EPHA5: variants seen among roughly 807,000 people sequenced by gnomAD.
EPHA5 encodes EPH receptor A5.
In EPHA5, 60 loss-of-function variants were observed where a neutral mutation model predicts 105.0. That is an observed-to-expected ratio of 0.57 (90% CI 0.46 to 0.71). The LOEUF (loss-of-function observed/expected upper bound fraction) is 0.71, where lower values mean the gene tolerates loss of function less well. Among genes scored for constraint, EPHA5 ranks in the 30% least tolerant of loss-of-function variants. The probability of loss-of-function intolerance (pLI) is 0.00; values close to 1 mark genes in which losing one functional copy is unlikely to be tolerated. For synonymous variants in EPHA5, 513 were observed against 449.1 expected (o/e 1.14, Z -1.80); for missense variants, 1,218 against 1,274.7 (o/e 0.96, Z 0.68).
At chr4:65,370,875 C>A (rs1718395849) in intron 8 of EPHA5, among the ~76,000 whole-genome samples, 1 of 152,014 alleles carries the variant, frequency 6.6e-6, no homozygotes. Flanking sequence ...TTAAAACAAG[C>A]CTCAACAAGA....
chr4:65,351,362 T>G, intron 13 of EPHA5, 27 bp downstream of exon 13: 1 of 1,604,220 alleles, frequency 6.2e-7, no homozygotes, highest in Non-Finnish European at 8.5e-7. Flanking sequence ...GGTCTAGTGT[T>G]TAGAAATGCA....
chr4:65,546,315 G>A (rs1737366708), intron 3 of EPHA5, among the ~76,000 whole-genome samples: 1 of 151,886 alleles, frequency 6.6e-6, no homozygotes, highest in South Asian at 2.1e-4. Flanking sequence ...AAACATTTAT[G>A]TGTCTTCTCA....
chr4:65,359,119 C>T (rs988903958), intron 11 of EPHA5, among the ~76,000 whole-genome samples: 1 of 151,548 alleles, frequency 6.6e-6, no homozygotes. Flanking sequence ...CAGCAAATCT[C>T]TTTCTATAAA....
chr4:65,377,210 G>A, intron 8 of EPHA5: 1 of 598,496 alleles, frequency 1.7e-6, no homozygotes, highest in Non-Finnish European at 2.7e-6. Context: ...TTTTTCCACA[G>A]TGCCTTTCAA....
At position 65,585,771 on chromosome 4, in the gene EPHA5, A is replaced by G. The variant is rs1436658494; in HGVS notation, c.910+15870T>C. Among the ~76,000 whole-genome samples, 4 of 151,868 alleles carry G rather than the reference A, an allele frequency of 2.6e-5. No individual in the cohort carries two copies. In the South Asian group the frequency reaches 8.3e-4, roughly 31 times the overall value. ...GCTTATAAGTCTATGAGCTCTAAGA[A>G]GCATTTAAAATTATGAATTAGGAAC... On this transcript the variant is annotated intron_variant, in intron 3 of 16. Coordinates refer to ENST00000613740, the MANE Select transcript of EPHA5 (RefSeq NM_001281766.3).
intron 5 of EPHA5, among the ~76,000 whole-genome samples, chr4:65,481,717 A>G (rs1730382564): frequency 6.6e-6 from 1 of 152,210 alleles, no homozygotes; most frequent in African/African-American, 2.4e-5. Context: ...TTGTAAATGC[A>G]TGGGGGAATA....
At chr4:65,481,653 AC>A (rs1244574313) in intron 5 of EPHA5, among the ~76,000 whole-genome samples, 1 of 152,190 alleles carries the variant, frequency 6.6e-6, no homozygotes, top group Non-Finnish European at 1.5e-5. Context: ...TCTAGTTAAT[AC>A]TGAGGACTAG....
chr4:65,495,322 T>C, intron 4 of EPHA5, 66 bp downstream of exon 4: 11 of 1,488,250 alleles, frequency 7.4e-6, no homozygotes, highest in African/African-American at 1.4e-5. Flanking sequence ...TATAACAGGC[T>C]CCATCATGCT....
chr4:65,489,870 A>G (rs532035012), intron 5 of EPHA5, among the ~76,000 whole-genome samples: 1 of 152,348 alleles, frequency 6.6e-6, no homozygotes, highest in South Asian at 2.1e-4. Context: ...TAAACTTAGC[A>G]AAGAAAATTT....
At chr4:65,524,827 A>T (rs1735080181) in intron 3 of EPHA5, among the ~76,000 whole-genome samples, 1 of 151,784 alleles carries the variant, frequency 6.6e-6, no homozygotes, top group African/African-American at 2.4e-5. Context: ...TGGCAGCTGA[A>T]ACCTGAGTAT....
rs1211795184 is a variant in EPHA5, at chr4:65,365,989, C to G, written c.1930G>C (p.Glu644Gln). Residue 644 changes from glutamate (E) to glutamine (Q), a missense_variant, in exon 10 of 17, where the codon GAA becomes CAA. Transcript: ENST00000613740. Reference protein sequence around the residue: ...TYEDPNQAVHEFAKEIEASCI... With the variant: ...TYEDPNQAVHQFAKEIEASCI... ...GATGCTTCTATCTCCTTAGCAAATTCGTGGACAGCTTGATTGGGATCCTCA... is the reference window on the plus strand; with the variant it reads ...GATGCTTCTATCTCCTTAGCAAATTGGTGGACAGCTTGATTGGGATCCTCA... 1 of 1,609,444 alleles carries G rather than the reference C, an allele frequency of 6.2e-7. No individual in the cohort carries two copies. Among genetic ancestry groups the G allele is most frequent in the Middle Eastern group, 1.7e-4 (1 of 6,044 alleles).
intron 1 of EPHA5, among the ~76,000 whole-genome samples, chr4:65,659,664 G>A (rs1382173704): frequency 6.6e-6 from 1 of 152,056 alleles, no homozygotes; most frequent in Non-Finnish European, 1.5e-5. Context: ...CACCCAGTAA[G>A]TCAATAATAA....
intron 3 of EPHA5, among the ~76,000 whole-genome samples, chr4:65,575,605 G>T (rs1215518122): frequency 2.0e-5 from 3 of 152,030 alleles, no homozygotes; most frequent in African/African-American, 7.2e-5. Context: ...AATAAGATTT[G>T]TTAAAAGGCC....
intron 2 of EPHA5, among the ~76,000 whole-genome samples, chr4:65,635,701 A>G (rs187381995): frequency 6.0e-4 from 92 of 152,302 alleles, no homozygotes; most frequent in African/African-American, 2.0e-3. Context: ...TAAGCCTTGA[A>G]AACACTTGAT....
intron 2 of EPHA5, among the ~76,000 whole-genome samples, chr4:65,634,651 G>T (rs2149497134): frequency 6.6e-6 from 1 of 151,710 alleles, no homozygotes; most frequent in East Asian, 1.9e-4. Context: ...TCATTATATT[G>T]GCATTTGCAT....
In EPHA5 at chr4:65,351,565, C is replaced by T. The variant is rs1267553167; in HGVS notation, c.2269G>A (p.Val757Ile). The T allele has an allele frequency of 6.2e-7, 1 of 1,613,636 alleles. No individual in the cohort carries two copies. The highest frequency in any genetic ancestry group is 1.7e-5 in the Admixed American group (1 of 59,926). The change falls in exon 13 of 17, where the codon GTT becomes ATT. Residue 757 changes from valine (V) to isoleucine (I), a missense_variant. Physicochemically the swap from Val to Ile is conservative, Grantham distance 29. Coordinates refer to ENST00000613740, the MANE Select transcript of EPHA5 (RefSeq NM_001281766.3). ...GCAGAGATACCTCTCAGCATGCCAA[C>T]AAGCTGAATCACAGTGAACTGCCCA... Reference protein sequence around the residue: ...NDGQFTVIQLVGMLRGISAGM... With the variant: ...NDGQFTVIQLIGMLRGISAGM...
intron 1 of EPHA5, among the ~76,000 whole-genome samples, chr4:65,653,957 T>G (rs1748837236): frequency 6.6e-6 from 1 of 152,090 alleles, no homozygotes; most frequent in African/African-American, 2.4e-5. Flanking sequence ...CCCTTGAATC[T>G]GGTAGCCTTG....
At chr4:65,618,893 G>A (rs951874649) in intron 2 of EPHA5, among the ~76,000 whole-genome samples, 1 of 152,182 alleles carries the variant, frequency 6.6e-6, no homozygotes, top group African/African-American at 2.4e-5. Context: ...GGTGGCTCAC[G>A]CCTGTAATCC....
At chr4:65,622,609 G>T (rs1206334625) in intron 2 of EPHA5, among the ~76,000 whole-genome samples, 1 of 151,982 alleles carries the variant, frequency 6.6e-6, no homozygotes, top group East Asian at 1.9e-4. Context: ...TTTATTTAGG[G>T]AATATATGCC....
Sources: allele counts gnomAD v4.1 joint callset (sites outside exome capture counted in the v4.1 genomes callset), GRCh38; gene constraint gnomAD v4.1.1; transcripts MANE v1.5; gene names NCBI Gene and HGNC (gene_info 2026-07-23, HGNC 2026-07-21).